GPHN: variants seen among roughly 807,000 people sequenced by gnomAD.
GPHN encodes gephyrin.
A neutral mutation model predicts 95.5 loss-of-function variants in GPHN; 17 were observed. The ratio of observed to expected loss-of-function variants is 0.18; its 90% CI spans 0.12 to 0.27. The LOEUF is 0.27. Among genes scored for constraint, GPHN ranks in the 10% least tolerant of loss-of-function variants. GPHN has a pLI of 1.00. For synonymous variants in GPHN, 320 were observed against 322.5 expected (o/e 0.99, Z 0.08); for missense variants, 660 against 978.1 (o/e 0.67, Z 4.34).
chr14:66,770,207 C>A (rs1265422147), intron 2 of GPHN, among the ~76,000 whole-genome samples: 1 of 152,114 alleles, frequency 6.6e-6, no homozygotes. Flanking sequence ...TGTTGAAGTT[C>A]CTTATAGATG....
chr14:67,240,146 T>TA, the GPHN span, among the ~76,000 whole-genome samples: 24 of 152,178 alleles, frequency 1.6e-4, no homozygotes, highest in Admixed American at 2.6e-4. Flanking sequence ...TCTGTCTTAT[T>TA]AAACACTTGG....
intron 17 of GPHN, among the ~76,000 whole-genome samples, chr14:67,124,130 G>C (rs906235670): frequency 4.6e-5 from 7 of 152,128 alleles, no homozygotes; most frequent in Non-Finnish European, 1.0e-4. Flanking sequence ...GTTTGGCCAG[G>C]AGTGGTGGCT....
chr14:66,939,990 CT>C (rs1292107519), intron 8 of GPHN, among the ~76,000 whole-genome samples: 2 of 152,158 alleles, frequency 1.3e-5, no homozygotes, highest in African/African-American at 4.8e-5. Flanking sequence ...ATCTCGTGTC[CT>C]TTGACCAGTC....
intron 19 of GPHN, among the ~76,000 whole-genome samples, chr14:67,162,101 A>G (rs917554239): frequency 3.9e-5 from 6 of 152,240 alleles, no homozygotes; most frequent in Admixed American, 3.9e-4. Context: ...CAGTTTAGCA[A>G]TAGGACATTT....
At chr14:67,587,458 CT>C in the GPHN span, 10 of 583,382 alleles carry the variant, frequency 1.7e-5, no homozygotes, top group Non-Finnish European at 3.0e-5. Context: ...CCATTTATTC[CT>C]TTTTTCATAA....
chr14:67,205,180 C>T, the GPHN span: 2 of 1,300,764 alleles, frequency 1.5e-6, no homozygotes, highest in Non-Finnish European at 1.0e-6. Context: ...CATTGATTAT[C>T]AAAATGCTAT....
intron 1 of GPHN, among the ~76,000 whole-genome samples, chr14:66,566,232 A>G (rs2060457456): frequency 6.6e-6 from 1 of 152,114 alleles, no homozygotes; most frequent in South Asian, 2.1e-4. Context: ...ATGTTTGAGT[A>G]TCTATAGCCT....
intron 8 of GPHN, among the ~76,000 whole-genome samples, chr14:66,953,481 A>G (rs1485643389): frequency 6.6e-6 from 1 of 152,138 alleles, no homozygotes; most frequent in Non-Finnish European, 1.5e-5. Flanking sequence ...TATTTGATCC[A>G]TTTTGACTTA....
the GPHN span, among the ~76,000 whole-genome samples, chr14:67,325,254 T>C: frequency 6.6e-6 from 1 of 152,112 alleles, no homozygotes; most frequent in Non-Finnish European, 1.5e-5. Flanking sequence ...TTCCTCTTCC[T>C]CTTCACCCTC....
chr14:66,659,029 A>G (rs1047183006), intron 1 of GPHN, among the ~76,000 whole-genome samples: 4 of 151,728 alleles, frequency 2.6e-5, no homozygotes, highest in African/African-American at 4.8e-5. Flanking sequence ...TTATGCTTAT[A>G]TTATTGATTT....
intron 1 of GPHN, among the ~76,000 whole-genome samples, chr14:66,630,160 G>A (rs1297999106): frequency 6.6e-6 from 1 of 152,150 alleles, no homozygotes; most frequent in African/African-American, 2.4e-5. Flanking sequence ...AGAGAAGAAA[G>A]GGATAAGATA....
intron 8 of GPHN, among the ~76,000 whole-genome samples, chr14:66,937,601 A>T (rs1193005045): frequency 6.6e-6 from 1 of 151,750 alleles, no homozygotes; most frequent in East Asian, 2.0e-4. Context: ...GATGGTTTCC[A>T]TCTCTTGACC....
At chr14:66,778,114 A>G (rs2059453097) in intron 3 of GPHN, among the ~76,000 whole-genome samples, 3 of 152,192 alleles carry the variant, frequency 2.0e-5, no homozygotes, top group Admixed American at 2.0e-4. Context: ...CTGATAAGCA[A>G]CTTCAGCAAA....
chr14:67,002,309 C>CTTTTTTTT (rs1177817698), intron 9 of GPHN, among the ~76,000 whole-genome samples: 4 of 58,756 alleles, frequency 6.8e-5, no homozygotes, highest in Admixed American at 2.1e-4. Flanking sequence ...CTTTGTGTTG[C>CTTTTTTTT]TTTTTTTTTT....
rs543277501 is a variant in GPHN, at chr14:66,892,248, G to C, written c.389+12215G>C. 3.3e-5 allele frequency among the ~76,000 whole-genome samples: 5 copies of C among 152,162 alleles called. No homozygotes were observed. The South Asian group carries it at 1.0e-3, about 32-fold the overall frequency. On this transcript the variant is annotated intron_variant, in intron 5 of 22. Coordinates refer to ENST00000478722, the MANE Select transcript of GPHN (RefSeq NM_020806.5). Reference sequence around the variant, plus strand: ...GACCAGCCTGAGCAAAATAGACCCTGTCTCTACAAAACTTGTTTAAAAAAA... The same window carrying C: ...GACCAGCCTGAGCAAAATAGACCCTCTCTCTACAAAACTTGTTTAAAAAAA...
chr14:66,860,493 G>T (rs1596179577), intron 4 of GPHN, among the ~76,000 whole-genome samples: 2 of 152,054 alleles, frequency 1.3e-5, no homozygotes, highest in Non-Finnish European at 1.5e-5. Flanking sequence ...ACTAAAGGGA[G>T]TTCTTCAGTC....
chr14:66,977,631 A>G (rs754524646), intron 9 of GPHN, among the ~76,000 whole-genome samples: 4 of 152,174 alleles, frequency 2.6e-5, no homozygotes, highest in Non-Finnish European at 5.9e-5. Flanking sequence ...TTATTCTATA[A>G]CCTTAAAAAT....
the GPHN span, among the ~76,000 whole-genome samples, chr14:67,375,316 C>T: frequency 1.3e-5 from 2 of 150,952 alleles, no homozygotes; most frequent in African/African-American, 2.4e-5. Flanking sequence ...AGTGTAGTGG[C>T]GCAATCTCAA....
chr14:67,285,161 T>TA, the GPHN span, among the ~76,000 whole-genome samples: 1 of 152,162 alleles, frequency 6.6e-6, no homozygotes, highest in African/African-American at 2.4e-5. Context: ...AAAGAAATCT[T>TA]AAAAGTTTCA....
Sources: allele counts gnomAD v4.1 joint callset (sites outside exome capture counted in the v4.1 genomes callset), GRCh38; gene constraint gnomAD v4.1.1; transcripts MANE v1.5; gene names NCBI Gene and HGNC (gene_info 2026-07-23, HGNC 2026-07-21).